Variants in ST3GAL1 observed in about 807,000 individuals in gnomAD.
ST3GAL1 encodes the protein ST3 beta-galactoside alpha-2,3-sialyltransferase 1.
A neutral mutation model predicts 34.1 loss-of-function variants in ST3GAL1; 16 were observed. The observed-to-expected ratio is 0.47, with a 90% CI of 0.32 to 0.71. The LOEUF is 0.71. Ranked by LOEUF, ST3GAL1 falls within the 30% of genes least tolerant of loss-of-function variation. The pLI, the probability that ST3GAL1 is intolerant of heterozygous loss-of-function variation, is 0.04. For synonymous variants in ST3GAL1, 191 were observed against 184.7 expected (o/e 1.03, Z -0.28); for missense variants, 353 against 447.4 (o/e 0.79, Z 1.90).
chr8:133,460,717 C>T (rs1255307164), intron 9 of ST3GAL1, among the ~76,000 whole-genome samples: 2 of 152,102 alleles, frequency 1.3e-5, no homozygotes, highest in African/African-American at 4.8e-5. Context: ...AGGGCTCCCG[C>T]AGCACAGAGG....
In ST3GAL1 at chr8:133,469,017, G is replaced by A. The variant is rs561826658; in HGVS notation, c.307-2927C>T. 2.0e-5 allele frequency among the ~76,000 whole-genome samples: 3 copies of A among 152,140 alleles called. No homozygotes were observed. Among genetic ancestry groups the A allele is most frequent in the Non-Finnish European group, 2.9e-5 (2 of 68,024 alleles). ...TACTTTGATTTGGGAGCCTGGCACCGTGTATCCATCATGCAGTGACATTTA... is the reference window on the plus strand; with the variant it reads ...TACTTTGATTTGGGAGCCTGGCACCATGTATCCATCATGCAGTGACATTTA... On this transcript the variant is annotated intron_variant, in intron 5 of 9. Transcript: ENST00000522652. The surrounding 1 kb of genome is among the most constrained non-coding windows in gnomAD (Gnocchi z 4.3).
At chr8:133,496,453 G>A (rs1408364055) in intron 3 of ST3GAL1, among the ~76,000 whole-genome samples, 1 of 152,180 alleles carries the variant, frequency 6.6e-6, no homozygotes, top group Non-Finnish European at 1.5e-5. Flanking sequence ...CAAAATCAAA[G>A]GGGAGCTGAC....
chr8:133,470,844 C>G (rs1815926128), intron 5 of ST3GAL1, among the ~76,000 whole-genome samples: 1 of 152,264 alleles, frequency 6.6e-6, no homozygotes, highest in South Asian at 2.1e-4. Context: ...AGCTGGAGCC[C>G]TGGGTGCCTC....
At chr8:133,468,259 C>A (rs1046992988) in intron 5 of ST3GAL1, among the ~76,000 whole-genome samples, 1 of 152,142 alleles carries the variant, frequency 6.6e-6, no homozygotes, top group Admixed American at 6.5e-5. Context: ...ACGTTCCAGA[C>A]ATATGATGGG....
chr8:133,546,628 A>G (rs1332064980), intron 1 of ST3GAL1, among the ~76,000 whole-genome samples: 1 of 152,226 alleles, frequency 6.6e-6, no homozygotes, highest in Non-Finnish European at 1.5e-5. Context: ...AAAAATAAAT[A>G]TGTAAGATAT....
chr8:133,529,441 A>G (rs1328084687), intron 2 of ST3GAL1, among the ~76,000 whole-genome samples: 3 of 152,182 alleles, frequency 2.0e-5, no homozygotes, highest in Non-Finnish European at 4.4e-5. Flanking sequence ...GGGATGGAAA[A>G]TTGAGAGGCC....
rs542338945 is a variant in ST3GAL1, at chr8:133,464,888, G to A, written c.573C>T (p.Tyr191=). 14 of 1,614,092 alleles carry A rather than the reference G, an allele frequency of 8.7e-6. 1 individual carries two copies. The South Asian group carries it at 1.4e-4, about 16-fold the overall frequency. ...CTCCCAGCTCCCGGAAGCTCTCAGG[G>A]TACACCAGATGGTGGGTGGTCTTGG... ...VGTKTTHHLV[Y]PESFRELGDN... is the part of the protein sequence containing the mutation. Residue 191 remains tyrosine, a synonymous_variant, in exon 7 of 10, where the codon TAC becomes TAT. Coordinates refer to ENST00000522652, the MANE Select transcript of ST3GAL1 (RefSeq NM_173344.3).
At chr8:133,567,664 G>A (rs567238232) in intron 1 of ST3GAL1, among the ~76,000 whole-genome samples, 30 of 152,228 alleles carry the variant, frequency 2.0e-4, no homozygotes, top group South Asian at 1.5e-3. Flanking sequence ...AAAATCTAGC[G>A]TTGAGAACTG....
chr8:133,496,333 G>A (rs1816945231), intron 3 of ST3GAL1, among the ~76,000 whole-genome samples: 1 of 152,198 alleles, frequency 6.6e-6, no homozygotes, highest in South Asian at 2.1e-4. Flanking sequence ...GGTCTCAGGT[G>A]AAGGAGAGGT....
chr8:133,562,574 G>A (rs542105420), intron 1 of ST3GAL1, among the ~76,000 whole-genome samples: 16 of 152,258 alleles, frequency 1.1e-4, no homozygotes, highest in Non-Finnish European at 2.1e-4. Flanking sequence ...GGCCAACTCG[G>A]GTCAGGGCTG....
intron 1 of ST3GAL1, among the ~76,000 whole-genome samples, chr8:133,555,099 CTG>C (rs1485906686): frequency 1.3e-5 from 2 of 152,156 alleles, no homozygotes; most frequent in African/African-American, 4.8e-5. Flanking sequence ...CGGCTGGTGT[CTG>C]TGCGGCCTGG....
intron 3 of ST3GAL1, among the ~76,000 whole-genome samples, chr8:133,488,868 A>AGGG (rs57405580): frequency 6.6e-6 from 1 of 151,962 alleles, no homozygotes; most frequent in African/African-American, 2.4e-5. Context: ...ACTGGCAGAC[A>AGGG]GGGGGGGCCA....
At chr8:133,541,068 GACATATATAT>G (rs1818500863) in intron 2 of ST3GAL1, among the ~76,000 whole-genome samples, 1 of 39,716 alleles carries the variant, frequency 2.5e-5, no homozygotes, top group Non-Finnish European at 5.6e-5. Context: ...TATATATATA[GACATATATAT>G]AGACATATAT....
intron 1 of ST3GAL1, among the ~76,000 whole-genome samples, chr8:133,569,648 G>A (rs1197140028): frequency 6.6e-6 from 1 of 152,176 alleles, no homozygotes; most frequent in African/African-American, 2.4e-5. Context: ...AGCCAACCAT[G>A]GGATTTCAGA....
rs894441047 is a variant in ST3GAL1 at position 133,489,318 on chromosome 8, G to A, written c.-374+9817C>T. On this transcript the variant is annotated intron_variant, in intron 3 of 9. Transcript: ENST00000522652. ...AACTCCAAGGGGCACAGCTGACAAT[G>A]TGGTCTAAGCAATGAGTGCCCCAGG... Among the ~76,000 whole-genome samples the A allele has an allele frequency of 2.0e-5, 3 of 152,180 alleles. 1 individual carries two copies. The South Asian group carries it at 6.2e-4, about 32-fold the overall frequency.
chr8:133,509,374 C>T (rs1011004801), intron 2 of ST3GAL1, among the ~76,000 whole-genome samples: 4 of 152,242 alleles, frequency 2.6e-5, no homozygotes, highest in African/African-American at 4.8e-5. Flanking sequence ...GCCAGACAGA[C>T]GTGGGTTCCA....
At chr8:133,487,845 G>GTA (rs1264913957) in intron 3 of ST3GAL1, among the ~76,000 whole-genome samples, 1 of 152,096 alleles carries the variant, frequency 6.6e-6, no homozygotes, top group Non-Finnish European at 1.5e-5. Flanking sequence ...GCGGATGCCT[G>GTA]TAGTCCCAGC....
At chr8:133,557,386 C>T (rs1260491193) in intron 1 of ST3GAL1, among the ~76,000 whole-genome samples, 1 of 152,076 alleles carries the variant, frequency 6.6e-6, no homozygotes, top group Non-Finnish European at 1.5e-5. Flanking sequence ...CAGGAGGGCA[C>T]AGAAGGCATG....
intron 3 of ST3GAL1, among the ~76,000 whole-genome samples, chr8:133,491,143 A>C (rs918957226): frequency 2.6e-5 from 4 of 152,168 alleles, no homozygotes; most frequent in Admixed American, 6.5e-5. Flanking sequence ...CCAGAGAAAC[A>C]CGATTAACCA....
Sources: gnomAD v4.1 joint callset for allele counts (sites outside exome capture counted in the v4.1 genomes callset) on GRCh38, gnomAD v4.1.1 for gene constraint, Gnocchi (gnomAD v3.1) non-coding constraint, MANE v1.5 for transcripts, NCBI Gene and HGNC (gene_info 2026-07-23, HGNC 2026-07-21) for gene names.